The following DNAJA2 variants were observed in gnomAD, a reference collection of about 807,000 sequenced individuals.
The protein encoded by DNAJA2 is DnaJ heat shock protein family (Hsp40) member A2, also known as dnaJ homolog subfamily A member 2.
In DNAJA2, 6 loss-of-function variants were observed where a neutral mutation model predicts 49.3. That is an observed-to-expected ratio of 0.12 (90% CI 0.07 to 0.24). The LOEUF is 0.24. DNAJA2 is among the 10% of genes least tolerant of loss of function. The pLI is 1.00. For synonymous variants in DNAJA2, 160 were observed against 172.7 expected (o/e 0.93, Z 0.58); for missense variants, 347 against 516.8 (o/e 0.67, Z 3.19).
At chr16:46,968,236 G>T in intron 3 of DNAJA2, 72 bp from the exon 4 acceptor site, 1 of 994,702 alleles carries the variant, frequency 1.0e-6, no homozygotes, top group Non-Finnish European at 1.5e-6. Context: ...AGTAACAGCT[G>T]ATACAGCAAA....
At chr16:46,964,544 A>G in intron 6 of DNAJA2, 67 bp downstream of exon 6, 1 of 1,486,070 alleles carries the variant, frequency 6.7e-7, no homozygotes, top group Non-Finnish European at 9.1e-7. Context: ...GATCTAACCT[A>G]TTTCTCACAA....
chr16:46,969,239 C>G (rs938280432), intron 3 of DNAJA2, among the ~76,000 whole-genome samples: 4 of 152,158 alleles, frequency 2.6e-5, no homozygotes, highest in Non-Finnish European at 4.4e-5. Context: ...TTCAAACTTT[C>G]TTAAAATTGT....
intron 1 of DNAJA2, among the ~76,000 whole-genome samples, chr16:46,973,256 A>T (rs1962083077): frequency 6.6e-6 from 1 of 151,844 alleles, no homozygotes; most frequent in African/African-American, 2.4e-5. Flanking sequence ...TTTGCGCAGG[A>T]GTGAGTTTTA....
intron 4 of DNAJA2, 122 bp from the exon 5 acceptor site, chr16:46,967,768 T>C (rs761096342): frequency 1.1e-5 from 14 of 1,326,504 alleles, no homozygotes; most frequent in Non-Finnish European, 1.5e-5. Context: ...TTAAATTGAC[T>C]TCCAGAAGTA....
chr16:46,971,391 C>A lies in DNAJA2; in HGVS notation c.320G>T (p.Arg107Leu). ...GTCCTCTCCTCTTCTTCTGCCATTT[C>A]GACTTCTACTCTGATTGCCCATGAA... Reference protein sequence around the residue: ...FGFMGNQSRSRNGRRRGEDMM... With the variant: ...FGFMGNQSRSLNGRRRGEDMM... The change falls in exon 3 of 9, where the codon CGA becomes CTA. Residue 107 changes from arginine (R) to leucine (L), a missense_variant. Physicochemically the swap from Arg to Leu is moderately radical, Grantham distance 102 (BLOSUM62 -2). Coordinates refer to ENST00000317089, the MANE Select transcript of DNAJA2 (RefSeq NM_005880.4). The A allele has an allele frequency of 6.2e-7, 1 of 1,613,956 alleles. No homozygotes were observed. Among genetic ancestry groups the A allele is most frequent in the Non-Finnish European group, 8.5e-7 (1 of 1,179,986 alleles).
chr16:46,957,664 CA>C (rs919957674), intron 8 of DNAJA2, among the ~76,000 whole-genome samples: 9 of 151,960 alleles, frequency 5.9e-5, no homozygotes, highest in Admixed American at 5.2e-4. Context: ...TAAAAGATCA[CA>C]AACTCATCAC....
chr16:46,962,628 C>A (rs1170294431), intron 6 of DNAJA2, among the ~76,000 whole-genome samples: 4 of 152,154 alleles, frequency 2.6e-5, no homozygotes, highest in Non-Finnish European at 5.9e-5. Flanking sequence ...AGCAGCAAGA[C>A]TGAAGGAACA....
chr16:46,962,623 C>A (rs1000860093), intron 6 of DNAJA2, among the ~76,000 whole-genome samples: 10 of 152,260 alleles, frequency 6.6e-5, no homozygotes, highest in Admixed American at 1.3e-4. Context: ...TGCACAGCAG[C>A]AAGACTGAAG....
At chr16:46,957,290 T>C in intron 8 of DNAJA2, 70 bp from the exon 9 acceptor site, 1 of 1,378,322 alleles carries the variant, frequency 7.3e-7, no homozygotes, top group Non-Finnish European at 9.9e-7. Context: ...ATACATAGAA[T>C]CCAGTGTCTG....
intron 4 of DNAJA2, 86 bp downstream of exon 4, chr16:46,967,998 T>G (rs910279461): frequency 2.3e-6 from 3 of 1,304,102 alleles, no homozygotes; most frequent in Non-Finnish European, 3.2e-6. Flanking sequence ...TTTTAACTTA[T>G]AACAATTTTT....
chr16:46,965,779 T>C (rs1961960367), intron 5 of DNAJA2, among the ~76,000 whole-genome samples: 1 of 145,002 alleles, frequency 6.9e-6, no homozygotes, highest in Non-Finnish European at 1.5e-5. Context: ...TTCGGTGAGC[T>C]GAGATCACGC....
chr16:46,970,016 T>A (rs1221174287), intron 3 of DNAJA2, among the ~76,000 whole-genome samples: 2 of 152,176 alleles, frequency 1.3e-5, no homozygotes, highest in East Asian at 1.9e-4. Flanking sequence ...AAAACAAATT[T>A]AAGGATTCAA....
intron 5 of DNAJA2, 131 bp downstream of exon 5, chr16:46,967,382 C>T (rs1451150520): frequency 2.0e-5 from 24 of 1,205,462 alleles, no homozygotes; most frequent in African/African-American, 9.2e-5. Context: ...AATGAGCTAA[C>T]GCACCCGGCC....
chr16:46,960,397 A>T (rs1961878481), intron 6 of DNAJA2, among the ~76,000 whole-genome samples: 1 of 152,218 alleles, frequency 6.6e-6, no homozygotes, highest in Non-Finnish European at 1.5e-5. Context: ...TTTGAGATCC[A>T]AGAAGGTATG....
At chr16:46,964,314 G>C (rs1160464722) in intron 6 of DNAJA2, among the ~76,000 whole-genome samples, 1 of 152,232 alleles carries the variant, frequency 6.6e-6, no homozygotes, top group East Asian at 1.9e-4. Context: ...AGAGGTTGTA[G>C]TGAGCCGAGA....
intron 3 of DNAJA2, among the ~76,000 whole-genome samples, chr16:46,970,571 C>T (rs2143661400): frequency 6.6e-6 from 1 of 151,098 alleles, no homozygotes; most frequent in East Asian, 2.0e-4. Context: ...CCTGTCTCTA[C>T]TAAAAAATAC....
At chr16:46,965,994 C>A (rs976592162) in intron 5 of DNAJA2, among the ~76,000 whole-genome samples, 2 of 151,962 alleles carry the variant, frequency 1.3e-5, no homozygotes, top group African/African-American at 2.4e-5. Context: ...GAGGCTGGGG[C>A]AGGAGAATTA....
intron 6 of DNAJA2, among the ~76,000 whole-genome samples, chr16:46,963,190 AG>A (rs1403815988): frequency 6.6e-6 from 1 of 152,224 alleles, no homozygotes; most frequent in Non-Finnish European, 1.5e-5. Flanking sequence ...TGATTTTCAG[AG>A]GAACACATGA....
intron 1 of DNAJA2, 64 bp downstream of exon 1, chr16:46,973,431 A>G: frequency 6.8e-7 from 1 of 1,470,512 alleles, no homozygotes; most frequent in African/African-American, 1.5e-5. Flanking sequence ...GCCTGGCTGA[A>G]GAAGACATCC....
Sources: allele counts gnomAD v4.1 joint callset (sites outside exome capture counted in the v4.1 genomes callset), GRCh38; gene constraint gnomAD v4.1.1; transcripts MANE v1.5; gene names NCBI Gene and HGNC (gene_info 2026-07-23, HGNC 2026-07-21).